LOC400499: variants seen among roughly 807,000 people sequenced by gnomAD.
At chr16:11,506,908 G>A in the LOC400499 span, among the ~76,000 whole-genome samples, 2 of 152,190 alleles carry the variant, frequency 1.3e-5, no homozygotes, top group Admixed American at 1.3e-4. Flanking sequence ...GTGCACCGAT[G>A]TGTCCCTGCA....
the LOC400499 span, among the ~76,000 whole-genome samples, chr16:11,442,923 C>G: frequency 2.0e-5 from 3 of 152,292 alleles, no homozygotes; most frequent in Middle Eastern, 0.01. Context: ...CGGGGAGCCA[C>G]ACGCAGCCTC....
chr16:11,450,741 C>A, the LOC400499 span: 1 of 1,536,046 alleles, frequency 6.5e-7, no homozygotes, highest in Admixed American at 2.0e-5. Flanking sequence ...CCAGGACAGC[C>A]TGGAACACAG....
At chr16:11,422,925 T>C in the LOC400499 span, among the ~76,000 whole-genome samples, 1 of 152,076 alleles carries the variant, frequency 6.6e-6, no homozygotes, top group Non-Finnish European at 1.5e-5. Context: ...CTGATTGATG[T>C]TTACCTGTGT....
the LOC400499 span, chr16:11,502,103 A>G: frequency 2.5e-6 from 1 of 399,140 alleles, no homozygotes; most frequent in Non-Finnish European, 4.4e-6. Flanking sequence ...TGAAGGAAGA[A>G]TATTGCCAGA....
At chr16:11,492,814 C>G in the LOC400499 span, among the ~76,000 whole-genome samples, 1 of 151,628 alleles carries the variant, frequency 6.6e-6, no homozygotes, top group Non-Finnish European at 1.5e-5. Context: ...TGGTAATAAA[C>G]CCTAAGGAAG....
the LOC400499 span, chr16:11,383,917 G>A: frequency 3.2e-6 from 4 of 1,231,960 alleles, no homozygotes; most frequent in Non-Finnish European, 4.0e-6. Flanking sequence ...GCTGGAGTGG[G>A]GGCCCTCGAA....
At chr16:11,461,201 G>C in the LOC400499 span, 3 of 1,455,072 alleles carry the variant, frequency 2.1e-6, no homozygotes, top group African/African-American at 2.8e-5. Context: ...AAGGGACTCA[G>C]GTATCACCGA....
chr16:11,493,062 G>A, the LOC400499 span, among the ~76,000 whole-genome samples: 1 of 152,186 alleles, frequency 6.6e-6, no homozygotes, highest in African/African-American at 2.4e-5. Context: ...AGGGCAATGT[G>A]CTGGGGAGGA....
At chr16:11,431,317 G>A in the LOC400499 span, 1 of 398,418 alleles carries the variant, frequency 2.5e-6, no homozygotes, top group Non-Finnish European at 4.4e-6. Context: ...CTCACTAACA[G>A]GATGACCTGG....
At chr16:11,450,859 A>G in the LOC400499 span, 1 of 1,503,218 alleles carries the variant, frequency 6.7e-7, no homozygotes. Flanking sequence ...TACACGGGGT[A>G]GAGAGGAAGC....
the LOC400499 span, among the ~76,000 whole-genome samples, chr16:11,469,906 T>A: frequency 6.6e-6 from 1 of 152,108 alleles, no homozygotes; most frequent in Admixed American, 6.5e-5. Flanking sequence ...ACCCCTCCCA[T>A]CCTTTTTTGT....
chr16:11,470,202 G>A, the LOC400499 span, among the ~76,000 whole-genome samples: 4 of 152,094 alleles, frequency 2.6e-5, no homozygotes, highest in South Asian at 2.1e-4. Context: ...GAGCCACTGC[G>A]CCTGGCCTCT....
chr16:11,430,518 T>C, the LOC400499 span, among the ~76,000 whole-genome samples: 3 of 151,914 alleles, frequency 2.0e-5, no homozygotes, highest in Admixed American at 6.6e-5. Flanking sequence ...AAAAGAATTA[T>C]CATGTCTGCA....
chr16:11,390,106 T>A, the LOC400499 span: 3 of 1,232,236 alleles, frequency 2.4e-6, no homozygotes, highest in South Asian at 1.2e-4. Flanking sequence ...CCGAGTTACC[T>A]GGCCGACAGG....
the LOC400499 span, among the ~76,000 whole-genome samples, chr16:11,439,986 C>T: frequency 1.3e-5 from 2 of 152,132 alleles, no homozygotes; most frequent in Non-Finnish European, 2.9e-5. Flanking sequence ...GCTAGCAAAA[C>T]TGAGGCTCAG....
the LOC400499 span, chr16:11,446,748 G>C: frequency 2.6e-6 from 4 of 1,535,786 alleles, no homozygotes; most frequent in East Asian, 7.3e-5. Context: ...ACACACTCAC[G>C]TAGGGGTGTC....
chr16:11,439,564 G>C, the LOC400499 span: 3 of 399,110 alleles, frequency 7.5e-6, no homozygotes, highest in East Asian at 3.6e-5. Context: ...AGTCAGATCC[G>C]TTCAGCTGGA....
the LOC400499 span, among the ~76,000 whole-genome samples, chr16:11,381,924 C>A: frequency 6.6e-6 from 1 of 151,212 alleles, no homozygotes; most frequent in Non-Finnish European, 1.5e-5. Context: ...TCTAAAGGGT[C>A]CTGTGTCTGT....
chr16:11,444,020 T>C, the LOC400499 span, among the ~76,000 whole-genome samples: 2 of 152,104 alleles, frequency 1.3e-5, no homozygotes, highest in Admixed American at 6.6e-5. Flanking sequence ...GTTTTTTTTT[T>C]AGTAGAGATG....
Sources: gnomAD v4.1 joint callset for allele counts (sites outside exome capture counted in the v4.1 genomes callset) on GRCh38, gnomAD v4.1.1 for gene constraint, MANE v1.5 for transcripts.